Variants in PI4K2A observed in about 807,000 individuals in gnomAD.
PI4K2A encodes the protein phosphatidylinositol 4-kinase type 2-alpha.
A neutral mutation model predicts 55.0 loss-of-function variants in PI4K2A; 20 were observed. That is an observed-to-expected ratio of 0.36 (90% CI 0.26 to 0.53). PI4K2A has a LOEUF of 0.53. Among genes scored for constraint, PI4K2A ranks in the 20% least tolerant of loss-of-function variants. The pLI is 0.91. For synonymous variants in PI4K2A, 235 were observed against 258.5 expected, an observed-to-expected ratio of 0.91 and a Z score of 0.87; for missense variants, 463 against 637.1, an observed-to-expected ratio of 0.73 and a Z score of 2.94.
intron 8 of PI4K2A, among the ~76,000 whole-genome samples, chr10:97,669,702 G>A (rs931300493): frequency 5.3e-5 from 8 of 152,160 alleles, no homozygotes; most frequent in Admixed American, 2.0e-4. Context: ...ACAAAGCACA[G>A]AGAAAAGAGG....
intron 8 of PI4K2A, among the ~76,000 whole-genome samples, chr10:97,667,899 A>G (rs886231699): frequency 1.3e-5 from 2 of 152,210 alleles, no homozygotes; most frequent in African/African-American, 2.4e-5. Flanking sequence ...AGCGTTTAGT[A>G]AAAAGAGTAC....
At chr10:97,641,403 G>A (rs2041467760) in intron 1 of PI4K2A, among the ~76,000 whole-genome samples, 1 of 152,126 alleles carries the variant, frequency 6.6e-6, no homozygotes, top group African/African-American at 2.4e-5. Flanking sequence ...ATGAAAAGAG[G>A]AAATTGACCA....
Position 97,649,411 on chromosome 10 carries a change from G to A in PI4K2A, c.436-1530G>A, listed in dbSNP as rs146322824. 4.3e-3 allele frequency among the ~76,000 whole-genome samples: 657 copies of A among 152,194 alleles called. 8 individuals carry two copies. Among genetic ancestry groups the A allele is most frequent in the African/African-American group, 0.015 (618 of 41,538 alleles). On this transcript the variant is annotated intron_variant, in intron 1 of 8. Coordinates refer to ENST00000370631, the Ensembl canonical transcript of PI4K2A. Reference sequence around the variant, plus strand: ...ACCTTAGAAGATTAAGTTACTGTCTGCTATAGAAGATGGATTTAATCTGTG... The same window carrying A: ...ACCTTAGAAGATTAAGTTACTGTCTACTATAGAAGATGGATTTAATCTGTG...
chr10:97,675,591 A>G (rs1183312832), exon 9 of PI4K2A: 1 of 152,488 alleles, frequency 6.6e-6, no homozygotes, highest in Non-Finnish European at 1.5e-5. Flanking sequence ...TAAAGTGCCC[A>G]TCTGGTGCTC....
chr10:97,663,869 C>T (rs866116420), intron 5 of PI4K2A, among the ~76,000 whole-genome samples: 17 of 150,862 alleles, frequency 1.1e-4, no homozygotes, highest in African/African-American at 3.6e-4. Flanking sequence ...TGCTCTGTTG[C>T]GCAGGCTGGA....
rs1187492288 is a variant in PI4K2A, at chr10:97,656,808, C to G, written c.769-13C>G. 6.2e-7 allele frequency: 1 copy of G among 1,613,776 alleles called. No individual in the cohort carries two copies. ...AGTAGGGAAAAACCTTTGTTCCTTC[C>G]TCTTGGTTCCAGGTTGGTTCATTCC... On this transcript the variant is annotated splice_polypyrimidine_tract_variant and intron_variant, in intron 3 of 8. Coordinates refer to ENST00000370631, the Ensembl canonical transcript of PI4K2A. The surrounding 1 kb of genome is among the most constrained non-coding windows in gnomAD (Gnocchi z 4.5).
chr10:97,646,460 A>G (rs2041505353), intron 1 of PI4K2A, among the ~76,000 whole-genome samples: 1 of 151,940 alleles, frequency 6.6e-6, no homozygotes, highest in Non-Finnish European at 1.5e-5. Context: ...CAGGTGATCC[A>G]CCCGCTTTGG....
At chr10:97,664,263 C>A (rs1289921700) in intron 5 of PI4K2A, among the ~76,000 whole-genome samples, 2 of 152,186 alleles carry the variant, frequency 1.3e-5, no homozygotes, top group East Asian at 1.9e-4. Context: ...GTGATGGCAC[C>A]CATGAACCTG....
chr10:97,650,569 C>G (rs908856809), intron 1 of PI4K2A, among the ~76,000 whole-genome samples: 1 of 152,124 alleles, frequency 6.6e-6, no homozygotes, highest in East Asian at 1.9e-4. Flanking sequence ...GGCATGAACC[C>G]TTGTACCTGG....
chr10:97,676,396 C>T (rs572025084), exon 9 of PI4K2A: 1 of 152,304 alleles, frequency 6.6e-6, no homozygotes. Flanking sequence ...TTGCTGACTA[C>T]TTCCTAAGAG....
In PI4K2A at chr10:97,656,568, T is replaced by G; in HGVS notation, c.768+152T>G. 1 of 804,552 alleles carries G rather than the reference T, an allele frequency of 1.2e-6. No individual in the cohort carries two copies. The highest frequency in any genetic ancestry group is 2.0e-6 in the Non-Finnish European group (1 of 510,450). The allele number at this position is 804,552 out of a possible 1,614,324, so 49.8% of individuals were successfully genotyped here. On this transcript the variant is annotated intron_variant, in intron 3 of 8. Coordinates refer to ENST00000370631, the Ensembl canonical transcript of PI4K2A. This position sits in a 1 kb window ranked among gnomAD's most constrained non-coding sequence, Gnocchi z 4.5. The stretch of plus-strand genomic sequence containing the variant: ...CCTTATTTCTGTCAAGTGGCTAAGG[T>G]TTGAAAAGTTGAGACCTAACTTTTC...
intron 1 of PI4K2A, among the ~76,000 whole-genome samples, chr10:97,643,959 C>T (rs984853126): frequency 2.0e-5 from 3 of 152,178 alleles, no homozygotes; most frequent in African/African-American, 7.2e-5. Context: ...GGTCTCACAC[C>T]TAGTAAGTGG....
chr10:97,664,373 T>G (rs550773861), intron 5 of PI4K2A, among the ~76,000 whole-genome samples: 1 of 152,212 alleles, frequency 6.6e-6, no homozygotes, highest in Non-Finnish European at 1.5e-5. Context: ...TTCCTTTTCA[T>G]GCACCACTGA....
At chr10:97,674,396 AC>A (rs1365395076) in exon 9 of PI4K2A, 3 of 152,070 alleles carry the variant, frequency 2.0e-5, no homozygotes, top group Non-Finnish European at 4.4e-5. Flanking sequence ...TTTTTGCTTT[AC>A]CCCCGCCAGC....
intron 5 of PI4K2A, among the ~76,000 whole-genome samples, chr10:97,664,645 G>A (rs1346329982): frequency 1.3e-5 from 2 of 152,160 alleles, no homozygotes; most frequent in African/African-American, 4.8e-5. Flanking sequence ...CAACTCTTGG[G>A]GAAGTGTACC....
intron 8 of PI4K2A, among the ~76,000 whole-genome samples, chr10:97,671,139 G>GA (rs200845848): frequency 0.19 from 28,061 of 145,748 alleles, 2,989 homozygotes; most frequent in East Asian, 0.41. Flanking sequence ...CTCCGTCTCA[G>GA]AAAAAAAAAA....
chr10:97,650,905 C>A, intron 1 of PI4K2A, 36 bp from the exon 2 acceptor site: 1 of 1,539,898 alleles, frequency 6.5e-7, no homozygotes, highest in Non-Finnish European at 9.0e-7. Context: ...TTGGTCAACT[C>A]GGATTTAACA....
intron 8 of PI4K2A, among the ~76,000 whole-genome samples, chr10:97,670,670 T>C (rs1482808805): frequency 1.3e-5 from 2 of 152,164 alleles, no homozygotes; most frequent in Non-Finnish European, 2.9e-5. Context: ...TTGTTACCAA[T>C]AGGGTAACAA....
chr10:97,646,261 C>T (rs988099480), intron 1 of PI4K2A, among the ~76,000 whole-genome samples: 2 of 149,620 alleles, frequency 1.3e-5, no homozygotes, highest in Admixed American at 6.7e-5. Flanking sequence ...CTCTGTCGCT[C>T]AGGCTAGATC....
Sources: allele counts gnomAD v4.1 joint callset (sites outside exome capture counted in the v4.1 genomes callset), GRCh38; gene constraint gnomAD v4.1.1; non-coding constraint Gnocchi (gnomAD v3.1); transcripts MANE v1.5; gene names NCBI Gene and HGNC (gene_info 2026-07-23, HGNC 2026-07-21).